Variants in PLEKHM3 observed in about 807,000 individuals in gnomAD.
The protein encoded by PLEKHM3 is pleckstrin homology domain-containing family M member 3.
In PLEKHM3, 45 loss-of-function variants were observed where a neutral mutation model predicts 81.8. The ratio of observed to expected loss-of-function variants is 0.55; its 90% CI spans 0.43 to 0.71. The LOEUF (loss-of-function observed/expected upper bound fraction) is 0.71, where lower values mean the gene tolerates loss of function less well. PLEKHM3 is among the 30% of genes least tolerant of loss of function. The pLI, the probability that PLEKHM3 is intolerant of heterozygous loss-of-function variation, is 0.00. For missense variants in PLEKHM3, 788 were observed against 924.3 expected, an observed-to-expected ratio of 0.85 and a Z score of 1.91; for synonymous variants, 352 against 356.4, an observed-to-expected ratio of 0.99 and a Z score of 0.14.
In PLEKHM3 at chr2:208,001,178, A is replaced by AAT; in HGVS notation, c.460_461dup (p.Thr155LeufsTer8). The AAT allele has an allele frequency of 1.9e-6, 3 of 1,614,102 alleles. No homozygotes were observed. Among genetic ancestry groups the AAT allele is most frequent in the Non-Finnish European group, 2.5e-6 (3 of 1,180,016 alleles). ...GGACTACCCTCCAGTCCACTTGGGT[A>AAT]ATATCTGATCGTGATCGAGCATGCC... On this transcript the variant is annotated frameshift_variant, in exon 2 of 8. Coordinates refer to ENST00000427836, the MANE Select transcript of PLEKHM3 (RefSeq NM_001080475.3). LOFTEE classifies it high-confidence loss of function.
intron 6 of PLEKHM3, among the ~76,000 whole-genome samples, chr2:207,864,490 G>T (rs193009150): frequency 6.6e-6 from 1 of 152,182 alleles, no homozygotes; most frequent in Non-Finnish European, 1.5e-5. Flanking sequence ...GGCATTTAAA[G>T]AGAGGCACTA....
chr2:207,931,126 A>C lies in PLEKHM3; in HGVS notation c.1693-7T>G. The C allele has an allele frequency of 6.2e-7, 1 of 1,600,100 alleles. No homozygotes were observed. Among genetic ancestry groups the C allele is most frequent in the Non-Finnish European group, 8.5e-7 (1 of 1,170,418 alleles). On this transcript the variant is annotated splice_polypyrimidine_tract_variant and splice_region_variant and intron_variant, in intron 4 of 7. Transcript: ENST00000427836. ...CCTTGGCCTGCTTCGACACCTACAA[A>C]ACAAGCGTCGTCAGTCAGTCCTGGA...
At chr2:207,926,685 C>T (rs1043955110) in intron 5 of PLEKHM3, among the ~76,000 whole-genome samples, 4 of 152,216 alleles carry the variant, frequency 2.6e-5, no homozygotes, top group Non-Finnish European at 4.4e-5. Context: ...GCACTGTAAA[C>T]ATTTTAAGCT....
intron 7 of PLEKHM3, among the ~76,000 whole-genome samples, chr2:207,860,554 A>G (rs1020951399): frequency 1.3e-5 from 2 of 152,232 alleles, no homozygotes; most frequent in African/African-American, 4.8e-5. Flanking sequence ...CATGGATGTG[A>G]TGATGCCCAA....
intron 1 of PLEKHM3, among the ~76,000 whole-genome samples, chr2:208,024,655 G>A (rs1284372437): frequency 6.6e-6 from 1 of 151,970 alleles, no homozygotes; most frequent in East Asian, 1.9e-4. Flanking sequence ...AACTCACTAC[G>A]ATTACTTAAA....
In PLEKHM3 at chr2:207,976,774, C is replaced by T. The variant is rs755192233; in HGVS notation, c.1423G>A (p.Asp475Asn). Reference protein sequence around the residue: ...LQVTLRNKPKDQMGGHELRKN... With the variant: ...LQVTLRNKPKNQMGGHELRKN... Reference sequence around the variant, plus strand: ...CTGAGTTCATGCCCACCCATTTGATCCTTGGGTTTGTTCCTCAGTGTGACT... The same window carrying T: ...CTGAGTTCATGCCCACCCATTTGATTCTTGGGTTTGTTCCTCAGTGTGACT... The change falls in exon 3 of 8, where the codon GAT (aspartate) becomes AAT (asparagine). Residue 475 changes from aspartate to asparagine, a missense_variant. Coordinates refer to ENST00000427836, the MANE Select transcript of PLEKHM3 (RefSeq NM_001080475.3). This position sits in a 1 kb window ranked among gnomAD's most constrained non-coding sequence, Gnocchi z 4.1. 6.2e-7 allele frequency: 1 copy of T among 1,614,206 alleles called. No homozygotes were observed. The highest frequency in any genetic ancestry group is 1.7e-5 in the Admixed American group (1 of 60,016).
intron 2 of PLEKHM3, among the ~76,000 whole-genome samples, chr2:207,986,926 T>C (rs370484657): frequency 6.6e-6 from 1 of 151,524 alleles, no homozygotes; most frequent in South Asian, 2.1e-4. Context: ...GCAATCCTAT[T>C]GCCTTGGCCT....
chr2:207,826,125 T>C lies in PLEKHM3; in HGVS notation c.*2194A>G, dbSNP rs1312760511. 1.3e-5 allele frequency: 2 copies of C among 152,198 alleles called. No individual in the cohort carries two copies. Among genetic ancestry groups the C allele is most frequent in the Non-Finnish European group, 1.5e-5 (1 of 68,036 alleles). 9.4% of individuals were successfully genotyped at this position (152,198 alleles called of 1,614,324 possible). A position where few individuals can be genotyped will look rare whatever the true frequency, so the allele number is the denominator to read the frequency against. On this transcript the variant is annotated 3_prime_UTR_variant, in exon 8 of 8. Coordinates refer to ENST00000427836, the MANE Select transcript of PLEKHM3 (RefSeq NM_001080475.3). ...CTGACAGTTGGAATCACGGATACATTAATTACAGCGAAGGCAAAAGTAAGC... is the reference window on the plus strand; with the variant it reads ...CTGACAGTTGGAATCACGGATACATCAATTACAGCGAAGGCAAAAGTAAGC...
chr2:207,918,480 C>G (rs1689070907), intron 5 of PLEKHM3, among the ~76,000 whole-genome samples: 1 of 152,130 alleles, frequency 6.6e-6, no homozygotes, highest in African/African-American at 2.4e-5. Context: ...CGAGATTGCG[C>G]CACTGTGCTG....
At chr2:207,864,187 C>A (rs1390317248) in intron 6 of PLEKHM3, among the ~76,000 whole-genome samples, 1 of 152,070 alleles carries the variant, frequency 6.6e-6, no homozygotes, top group Non-Finnish European at 1.5e-5. Flanking sequence ...ATACATTTCC[C>A]ACCATTCTTC....
At chr2:207,856,962 C>T (rs1186433631) in intron 7 of PLEKHM3, among the ~76,000 whole-genome samples, 1 of 151,810 alleles carries the variant, frequency 6.6e-6, no homozygotes, top group African/African-American at 2.4e-5. Context: ...TTTAATGGCC[C>T]AGAATGTGGT....
chr2:207,920,031 A>C (rs185168017), intron 5 of PLEKHM3, among the ~76,000 whole-genome samples: 54 of 152,324 alleles, frequency 3.5e-4, no homozygotes, highest in Non-Finnish European at 5.4e-4. Flanking sequence ...AATCTTTATA[A>C]TAGAAATTTC....
At chr2:208,020,967 C>G (rs1289790976) in intron 1 of PLEKHM3, among the ~76,000 whole-genome samples, 1 of 152,228 alleles carries the variant, frequency 6.6e-6, no homozygotes, top group Non-Finnish European at 1.5e-5. Context: ...CCAGTCTAAC[C>G]TTCTCCAAGT....
At chr2:207,889,950 C>G (rs1023248552) in intron 6 of PLEKHM3, among the ~76,000 whole-genome samples, 11 of 152,072 alleles carry the variant, frequency 7.2e-5, no homozygotes, top group African/African-American at 2.7e-4. Flanking sequence ...ACTACAGTGG[C>G]CTACCACCAC....
intron 2 of PLEKHM3, among the ~76,000 whole-genome samples, chr2:207,979,406 C>T (rs769589673): frequency 4.5e-4 from 68 of 152,124 alleles, no homozygotes; most frequent in Non-Finnish European, 8.2e-4. Flanking sequence ...TGGTGGCATG[C>T]GCCTGTAATC....
intron 1 of PLEKHM3, among the ~76,000 whole-genome samples, chr2:208,022,954 T>C (rs148862141): frequency 4.7e-4 from 72 of 152,272 alleles, no homozygotes; most frequent in Admixed American, 3.3e-3. Context: ...TAAACCTCAA[T>C]TACACAAATC....
chr2:207,968,371 GT>G (rs1690995285), intron 3 of PLEKHM3, among the ~76,000 whole-genome samples: 1 of 151,898 alleles, frequency 6.6e-6, no homozygotes, highest in Non-Finnish European at 1.5e-5. Context: ...TAACGACAAA[GT>G]TTAAAGTGGG....
intron 2 of PLEKHM3, 95 bp from the exon 3 acceptor site, chr2:207,977,681 A>G: frequency 9.4e-7 from 1 of 1,064,322 alleles, no homozygotes; most frequent in Non-Finnish European, 1.4e-6. Flanking sequence ...GAAACCACAC[A>G]GATCAGGGAC....
chr2:208,001,705 C>T lies in PLEKHM3; in HGVS notation c.-66G>A. The T allele has an allele frequency of 3.2e-6, 5 of 1,543,846 alleles. No individual in the cohort carries two copies. The highest frequency in any genetic ancestry group is 4.5e-5 in the East Asian group (2 of 44,512). ...CAGAAATGGCTTCATGAACATTCAC[C>T]CAACCAAGAGGGGTGCTTCAGCAAT... On this transcript the variant is annotated 5_prime_UTR_variant, in exon 2 of 8. Coordinates refer to ENST00000427836, the MANE Select transcript of PLEKHM3 (RefSeq NM_001080475.3).
Sources: allele counts gnomAD v4.1 joint callset (sites outside exome capture counted in the v4.1 genomes callset), GRCh38; gene constraint gnomAD v4.1.1; non-coding constraint Gnocchi (gnomAD v3.1); transcripts MANE v1.5; gene names NCBI Gene and HGNC (gene_info 2026-07-23, HGNC 2026-07-21).